The following AMBRA1 variants were observed in gnomAD, a reference collection of about 807,000 sequenced individuals.
AMBRA1 encodes the protein activating molecule in BECN1-regulated autophagy protein 1.
Under a neutral mutation model 125.4 loss-of-function variants are expected in AMBRA1, and 47 were observed. The observed-to-expected ratio is 0.37, with a 90% CI of 0.30 to 0.48. AMBRA1 has a LOEUF of 0.48. Among genes scored for constraint, AMBRA1 ranks in the 20% least tolerant of loss-of-function variants. The pLI, the probability that AMBRA1 is intolerant of heterozygous loss-of-function variation, is 0.99. For synonymous variants in AMBRA1, 626 were observed against 655.5 expected (o/e 0.95, Z 0.69); for missense variants, 1,331 against 1,693.4 (o/e 0.79, Z 3.76).
At chr11:46,462,720 TC>T (rs1403683857) in intron 11 of AMBRA1, among the ~76,000 whole-genome samples, 1 of 151,520 alleles carries the variant, frequency 6.6e-6, no homozygotes, top group African/African-American at 2.4e-5. Flanking sequence ...ATCCCTCATC[TC>T]CCCATTCAAG....
chr11:46,478,342 C>A (rs1949906109), intron 11 of AMBRA1, among the ~76,000 whole-genome samples: 1 of 152,202 alleles, frequency 6.6e-6, no homozygotes, highest in African/African-American at 2.4e-5. Flanking sequence ...GGTTCACTTA[C>A]AGCAAATTAG....
At chr11:46,567,165 G>A (rs1448634383) in intron 1 of AMBRA1, among the ~76,000 whole-genome samples, 1 of 152,096 alleles carries the variant, frequency 6.6e-6, no homozygotes, top group African/African-American at 2.4e-5. Flanking sequence ...TCCGCTTTCC[G>A]GATTCAAGCT....
intron 11 of AMBRA1, among the ~76,000 whole-genome samples, chr11:46,470,588 CAAAAAAAAAA>C (rs766521795): frequency 1.7e-4 from 9 of 53,454 alleles, no homozygotes; most frequent in African/African-American, 5.0e-4. Flanking sequence ...GACTCCGTCT[CAAAAAAAAAA>C]AAAAAAAAAA....
chr11:46,424,002 A>C (rs966763580), intron 14 of AMBRA1, among the ~76,000 whole-genome samples: 1 of 151,208 alleles, frequency 6.6e-6, no homozygotes, highest in African/African-American at 2.4e-5. Flanking sequence ...ATCTCAGGTG[A>C]TCCACCCGCC....
chr11:46,552,545 C>T (rs1386519004), intron 1 of AMBRA1, among the ~76,000 whole-genome samples: 5 of 151,414 alleles, frequency 3.3e-5, no homozygotes, highest in Admixed American at 1.3e-4. Context: ...GTTAGCTAGG[C>T]GTGATGGTAC....
At chr11:46,535,827 G>A (rs1172010701) in intron 7 of AMBRA1, among the ~76,000 whole-genome samples, 1 of 152,174 alleles carries the variant, frequency 6.6e-6, no homozygotes, top group East Asian at 1.9e-4. Context: ...CAGTGCTCTC[G>A]AGGAAGGCGC....
chr11:46,503,430 T>G (rs1950918288), intron 9 of AMBRA1, among the ~76,000 whole-genome samples: 3 of 152,154 alleles, frequency 2.0e-5, no homozygotes, highest in Non-Finnish European at 2.9e-5. Flanking sequence ...CCAAAACAAT[T>G]ACAATTGATC....
At position 46,542,343 on chromosome 11, in the gene AMBRA1, G is replaced by A. The variant is rs900119477; in HGVS notation, c.1674C>T (p.Ser558=). Residue 558 remains serine, a synonymous_variant, in exon 7 of 18, where the codon TCC becomes TCT. Transcript: ENST00000683756. The surrounding 1 kb of genome is among the most constrained non-coding windows in gnomAD (Gnocchi z 5.9). Reference sequence around the variant, plus strand: ...GATTCAGGTGGCCACGGGACAGGTTGGAGTTGTTCTCACTGCTGTGTGGGG... The same window carrying A: ...GATTCAGGTGGCCACGGGACAGGTTAGAGTTGTTCTCACTGCTGTGTGGGG... ...QPTPHSSENN[S]NLSRGHLNRC... 8 of 1,614,138 alleles carry A rather than the reference G, an allele frequency of 5.0e-6. No individual in the cohort carries two copies. Among genetic ancestry groups the A allele is most frequent in the Non-Finnish European group, 6.8e-6 (8 of 1,180,036 alleles).
At chr11:46,514,365 T>G (rs1219521152) in intron 7 of AMBRA1, among the ~76,000 whole-genome samples, 1 of 152,150 alleles carries the variant, frequency 6.6e-6, no homozygotes, top group Non-Finnish European at 1.5e-5. Context: ...AACTATCAAG[T>G]AATGTTTTCT....
At chr11:46,474,459 G>A (rs891456138) in intron 11 of AMBRA1, among the ~76,000 whole-genome samples, 1 of 152,072 alleles carries the variant, frequency 6.6e-6, no homozygotes, top group African/African-American at 2.4e-5. Context: ...TACAATCTCG[G>A]CTCACTGCAA....
At position 46,397,287 on chromosome 11, in the gene AMBRA1, T is replaced by C. The variant is rs1945502125; in HGVS notation, c.*163A>G. 3 of 984,930 alleles carry C rather than the reference T, an allele frequency of 3.0e-6. No individual in the cohort carries two copies. The highest frequency in any genetic ancestry group is 4.0e-6 in the Non-Finnish European group (3 of 741,552). 61.0% of individuals were successfully genotyped at this position (984,930 alleles called of 1,614,324 possible). A position where few individuals can be genotyped will look rare whatever the true frequency, so the allele number is the denominator to read the frequency against. On this transcript the variant is annotated 3_prime_UTR_variant, in exon 18 of 18. Transcript: ENST00000683756. ...CCGAGGCAGGCCTTGCCCATTTGAC[T>C]GTCTTGTGCCCACTGACTGATCTTC...
At chr11:46,496,805 T>TA (rs767496674) in intron 9 of AMBRA1, among the ~76,000 whole-genome samples, 1,846 of 139,276 alleles carry the variant, frequency 0.013, 41 homozygotes, top group African/African-American at 0.044. Flanking sequence ...TCCCTTCATT[T>TA]AAAAAAAAAA....
chr11:46,520,608 T>A (rs1253955461), intron 7 of AMBRA1, among the ~76,000 whole-genome samples: 23 of 151,362 alleles, frequency 1.5e-4, no homozygotes, highest in Non-Finnish European at 2.7e-4. Context: ...CTTTTTTTTT[T>A]TTTTTGAGAC....
intron 7 of AMBRA1, among the ~76,000 whole-genome samples, chr11:46,531,328 T>C (rs967486922): frequency 3.3e-5 from 5 of 152,190 alleles, no homozygotes; most frequent in Non-Finnish European, 7.3e-5. Flanking sequence ...ATGCCTGATA[T>C]AGAGGGTAGG....
intron 1 of AMBRA1, among the ~76,000 whole-genome samples, chr11:46,550,074 C>T (rs1330984433): frequency 1.3e-5 from 2 of 152,222 alleles, no homozygotes; most frequent in East Asian, 3.8e-4. Flanking sequence ...CCGCCTCAGC[C>T]TCCCAAAGTG....
At chr11:46,418,425 A>G (rs1349398419) in intron 14 of AMBRA1, among the ~76,000 whole-genome samples, 3 of 148,676 alleles carry the variant, frequency 2.0e-5, no homozygotes, top group Admixed American at 6.8e-5. Context: ...TTATACTTTA[A>G]GTTCTAGGGT....
At chr11:46,578,204 G>GGGCC (rs1473928117) in intron 1 of AMBRA1, among the ~76,000 whole-genome samples, 3 of 151,974 alleles carry the variant, frequency 2.0e-5, no homozygotes, top group Non-Finnish European at 2.9e-5. Flanking sequence ...ATTCCAGGTA[G>GGGCC]GGCCGGACGT....
intron 7 of AMBRA1, among the ~76,000 whole-genome samples, chr11:46,532,387 G>T (rs1033893303): frequency 2.0e-5 from 3 of 152,166 alleles, no homozygotes; most frequent in Non-Finnish European, 2.9e-5. Flanking sequence ...CTGAAAACCC[G>T]TAGTAGGAGA....
chr11:46,481,926 C>T (rs1699496418), intron 11 of AMBRA1, among the ~76,000 whole-genome samples: 1 of 152,190 alleles, frequency 6.6e-6, no homozygotes, highest in South Asian at 2.1e-4. Context: ...TGGAACAGTA[C>T]TTGGTATAGA....
Sources: allele counts gnomAD v4.1 joint callset (sites outside exome capture counted in the v4.1 genomes callset), GRCh38; gene constraint gnomAD v4.1.1; non-coding constraint Gnocchi (gnomAD v3.1); transcripts MANE v1.5; gene names NCBI Gene and HGNC (gene_info 2026-07-23, HGNC 2026-07-21).